RIN2: variants seen among roughly 807,000 people sequenced by gnomAD.
The protein encoded by RIN2 is RAB5 interacting protein 2.
Under a neutral mutation model 78.0 loss-of-function variants are expected in RIN2, and 36 were observed. The ratio of observed to expected loss-of-function variants is 0.46; its 90% CI spans 0.35 to 0.61. The LOEUF (loss-of-function observed/expected upper bound fraction) is 0.61. Among genes scored for constraint, RIN2 ranks in the 20% least tolerant of loss-of-function variants. The pLI is 0.00. For missense variants in RIN2, 1,087 were observed against 1,159.7 expected (o/e 0.94, Z 0.91); for synonymous variants, 466 against 466.8 (o/e 1.00, Z 0.02).
At chr20:19,902,571 G>A (rs1279001459) in intron 3 of RIN2, among the ~76,000 whole-genome samples, 1 of 152,158 alleles carries the variant, frequency 6.6e-6, no homozygotes. Flanking sequence ...CAGACAGAGA[G>A]AATGCCCACT....
At chr20:19,767,922 C>CA (rs61365306) in intron 1 of RIN2, among the ~76,000 whole-genome samples, 16,369 of 124,442 alleles carry the variant, frequency 0.13, 1,189 homozygotes, top group African/African-American at 0.18. Context: ...AAAACTGTCT[C>CA]AAAAAAAAAA....
At chr20:19,912,480 T>TC (rs1356597569) in intron 3 of RIN2, among the ~76,000 whole-genome samples, 49 of 135,162 alleles carry the variant, frequency 3.6e-4, no homozygotes, top group Non-Finnish European at 5.8e-4. Flanking sequence ...TTTTTCTTTT[T>TC]TTTTTTTTTT....
chr20:19,877,093 A>G (rs552234367), intron 2 of RIN2, among the ~76,000 whole-genome samples: 1 of 152,194 alleles, frequency 6.6e-6, no homozygotes, highest in African/African-American at 2.4e-5. Flanking sequence ...GAGAGTAAGA[A>G]GATAAGGTCT....
At chr20:19,959,151 C>T (rs963957595) in intron 5 of RIN2, among the ~76,000 whole-genome samples, 14 of 152,178 alleles carry the variant, frequency 9.2e-5, no homozygotes, top group African/African-American at 2.9e-4. Flanking sequence ...TGTAAATGAT[C>T]GAGCGTGGCT....
intron 2 of RIN2, among the ~76,000 whole-genome samples, chr20:19,860,741 A>G (rs2037308889): frequency 6.6e-6 from 1 of 152,188 alleles, no homozygotes; most frequent in African/African-American, 2.4e-5. Context: ...TCTCTGTTTT[A>G]GCACTGATAA....
intron 2 of RIN2, among the ~76,000 whole-genome samples, chr20:19,821,055 G>C (rs1046386090): frequency 3.9e-5 from 6 of 152,168 alleles, no homozygotes; most frequent in African/African-American, 1.4e-4. Context: ...TGATACTGCT[G>C]ATCTAAACGA....
chr20:19,925,867 G>T (rs1341434205), intron 3 of RIN2, among the ~76,000 whole-genome samples: 2 of 152,166 alleles, frequency 1.3e-5, no homozygotes, highest in Admixed American at 6.6e-5. Context: ...TTTCTCTGAG[G>T]TTTCACACAG....
At position 19,954,896 on chromosome 20, in the gene RIN2, T is replaced by C. The variant is rs79004844; in HGVS notation, c.159-1719T>C. On this transcript the variant is annotated intron_variant, in intron 4 of 12. Transcript: ENST00000255006. ...CATTGGTAAAATGGGAATTAAACAC[T>C]CACTGACAGAACCAGTATTGGCACC... Among the ~76,000 whole-genome samples, 446 of 152,262 alleles carry C rather than the reference T, an allele frequency of 2.9e-3. 2 individuals are homozygous for C. Among genetic ancestry groups the C allele is most frequent in the African/African-American group, 0.01 (427 of 41,548 alleles).
chr20:19,874,435 A>G lies in RIN2; in HGVS notation c.-36-15131A>G, dbSNP rs567674965. Among the ~76,000 whole-genome samples, 7 of 152,348 alleles carry G rather than the reference A, an allele frequency of 4.6e-5. No individual in the cohort carries two copies. The South Asian group carries it at 1.4e-3, about 32-fold the overall frequency. ...TGATGACTTTACAGAACTTAATACCATGAAGTACAACAATTGATTGTGGCT... is the reference window on the plus strand; with the variant it reads ...TGATGACTTTACAGAACTTAATACCGTGAAGTACAACAATTGATTGTGGCT... On this transcript the variant is annotated intron_variant, in intron 2 of 12. Transcript: ENST00000255006.
intron 2 of RIN2, among the ~76,000 whole-genome samples, chr20:19,883,987 G>C (rs1205356619): frequency 2.1e-5 from 3 of 144,092 alleles, no homozygotes; most frequent in Non-Finnish European, 4.7e-5. Context: ...TTATGTGAAA[G>C]ATAGGGTTTC....
At chr20:19,880,760 G>C (rs958932420) in intron 2 of RIN2, among the ~76,000 whole-genome samples, 1 of 152,128 alleles carries the variant, frequency 6.6e-6, no homozygotes, top group Non-Finnish European at 1.5e-5. Context: ...CATTTACTGA[G>C]CACATACGTA....
At chr20:19,931,364 C>T (rs1455620821) in intron 3 of RIN2, among the ~76,000 whole-genome samples, 5 of 152,226 alleles carry the variant, frequency 3.3e-5, no homozygotes, top group African/African-American at 1.2e-4. Flanking sequence ...TGGTCTCCAA[C>T]TCCTGGCCTC....
At chr20:19,978,803 C>G (rs2042361226) in intron 9 of RIN2, among the ~76,000 whole-genome samples, 1 of 152,216 alleles carries the variant, frequency 6.6e-6, no homozygotes, top group African/African-American at 2.4e-5. Flanking sequence ...ATCACCTACT[C>G]TCACCCTTCC....
intron 3 of RIN2, among the ~76,000 whole-genome samples, chr20:19,912,733 C>G (rs1457943879): frequency 1.3e-5 from 2 of 152,158 alleles, no homozygotes; most frequent in Non-Finnish European, 2.9e-5. Flanking sequence ...CTCGCCTCAG[C>G]CTCCCAAAGT....
chr20:19,758,964 C>T (rs1228154230), intron 1 of RIN2, among the ~76,000 whole-genome samples: 1 of 152,174 alleles, frequency 6.6e-6, no homozygotes, highest in Non-Finnish European at 1.5e-5. Flanking sequence ...TTGATGGCTG[C>T]GCAGCGGGCG....
At chr20:19,817,602 G>A (rs981074903) in intron 2 of RIN2, among the ~76,000 whole-genome samples, 1 of 152,166 alleles carries the variant, frequency 6.6e-6, no homozygotes, top group African/African-American at 2.4e-5. Context: ...GAAGTGGGGA[G>A]AAATGCTTTT....
chr20:19,919,527 C>T (rs1453120844), intron 3 of RIN2, among the ~76,000 whole-genome samples: 2 of 151,964 alleles, frequency 1.3e-5, no homozygotes, highest in Non-Finnish European at 2.9e-5. Context: ...AAATTTGTGG[C>T]CAGGTGCAGT....
chr20:19,807,940 G>T (rs1456705797), intron 2 of RIN2, among the ~76,000 whole-genome samples: 2 of 152,160 alleles, frequency 1.3e-5, no homozygotes, highest in Non-Finnish European at 2.9e-5. Flanking sequence ...GCAGTTTTAT[G>T]CTTTTTGTGA....
At chr20:19,927,853 A>G (rs1049353409) in intron 3 of RIN2, among the ~76,000 whole-genome samples, 7 of 152,004 alleles carry the variant, frequency 4.6e-5, no homozygotes, top group African/African-American at 1.7e-4. Flanking sequence ...CCCGGCCAAG[A>G]GATCATTTAA....
Sources: gnomAD v4.1 joint callset for allele counts (sites outside exome capture counted in the v4.1 genomes callset) on GRCh38, gnomAD v4.1.1 for gene constraint, MANE v1.5 for transcripts, NCBI Gene and HGNC (gene_info 2026-07-23, HGNC 2026-07-21) for gene names.